NR1H2: variants seen among roughly 807,000 people sequenced by gnomAD.
The protein encoded by NR1H2 is oxysterols receptor LXR-beta.
A neutral mutation model predicts 51.2 loss-of-function variants in NR1H2; 33 were observed. The ratio of observed to expected loss-of-function variants is 0.64; its 90% CI spans 0.49 to 0.86. NR1H2 has a LOEUF of 0.86. NR1H2 is among the 40% of genes least tolerant of loss of function. NR1H2 has a pLI of 0.00. For missense variants in NR1H2, 592 were observed against 639.9 expected, an observed-to-expected ratio of 0.93 and a Z score of 0.81; for synonymous variants, 310 against 264.3, an observed-to-expected ratio of 1.17 and a Z score of -1.68.
At chr19:50,378,945 C>A in intron 6 of NR1H2, 57 bp from the exon 7 acceptor site, 1 of 1,554,944 alleles carries the variant, frequency 6.4e-7, no homozygotes, top group South Asian at 1.2e-5. Context: ...CTCAAGGTGG[C>A]CACCCAGACT....
Position 50,378,726 on chromosome 19 carries a change from T to C in NR1H2, c.677T>C (p.Met226Thr), listed in dbSNP as rs2037714852. The C allele has an allele frequency of 1.2e-6, 2 of 1,613,850 alleles. No homozygotes were observed. Among genetic ancestry groups the C allele is most frequent in the Non-Finnish European group, 1.7e-6 (2 of 1,180,024 alleles). The change falls in exon 6 of 10, where the codon ATG becomes ACG. Residue 226 changes from methionine (M) to threonine (T), a missense_variant. This residue lies in a region of NR1H2 where 316 missense variants were observed against 313.4 expected (regional missense o/e 1.01). Transcript: ENST00000253727. ...CAGCTAACAGCGGCTCAAGAACTAA[T>C]GATCCAGCAGTTGGTGGCGGCCCAA... ...GVQLTAAQEL[M>T]IQQLVAAQLQ... is the part of the protein sequence containing the mutation.
chr19:50,377,383 G>C, intron 2 of NR1H2: 1 of 502,118 alleles, frequency 2.0e-6, no homozygotes, highest in Non-Finnish European at 3.5e-6. Context: ...TTAAGACCAA[G>C]CTGAAGGCTG....
At chr19:50,379,326 A>G (rs571218935) in intron 7 of NR1H2, 145 bp downstream of exon 7, 6 of 980,512 alleles carry the variant, frequency 6.1e-6, no homozygotes, top group South Asian at 1.7e-5. Flanking sequence ...AGAGAAAGGA[A>G]AAAGGGTCTG....
In NR1H2 at chr19:50,379,882, AGGGCCCAGGG is replaced by A; in HGVS notation, c.1027+5_1027+14del. ...CAAGGACGACTTCCACCGTGCAGGT[AGGGCCCAGGG>A]GAGGCTTCGGGGAGGCTTGGCGCCC... On this transcript the variant is annotated splice_donor_5th_base_variant and intron_variant, in intron 8 of 9. Coordinates refer to ENST00000253727, the MANE Select transcript of NR1H2 (RefSeq NM_007121.7). 6.2e-7 allele frequency: 1 copy of A among 1,606,698 alleles called. No homozygotes were observed. Among genetic ancestry groups the A allele is most frequent in the Non-Finnish European group, 8.5e-7 (1 of 1,173,330 alleles).
Position 50,382,441 on chromosome 19 carries a change from T to A in NR1H2, c.1237-15T>A. On this transcript the variant is annotated splice_polypyrimidine_tract_variant and intron_variant, in intron 9 of 9. Coordinates refer to ENST00000253727, the MANE Select transcript of NR1H2 (RefSeq NM_007121.7). ...GGCAGGGGCTCAGCCAGCGCCCACC[T>A]GCCTCCTCCCTCAGGACCAGCTGCG... The A allele has an allele frequency of 6.3e-7, 1 of 1,579,140 alleles. No individual in the cohort carries two copies. The highest frequency in any genetic ancestry group is 1.8e-5 in the Admixed American group (1 of 54,794).
At position 50,382,716 on chromosome 19, in the gene NR1H2, T is replaced by C. The variant is rs575870109; in HGVS notation, c.*114T>C. On this transcript the variant is annotated 3_prime_UTR_variant, in exon 10 of 10. Coordinates refer to ENST00000253727, the MANE Select transcript of NR1H2 (RefSeq NM_007121.7). ...GCCCTGGGCCGAGCCTGTAGACCTA[T>C]CGGCTCTCATCCCTTGGGATAAGCC... 5.4e-6 allele frequency: 6 copies of C among 1,120,786 alleles called. No homozygotes were observed. In the East Asian group the frequency reaches 1.5e-4, roughly 29 times the overall value. 69.4% of individuals were successfully genotyped at this position (1,120,786 alleles called of 1,614,324 possible).
At chr19:50,377,446 G>A (rs1452987697) in intron 2 of NR1H2, 141 bp from the exon 3 acceptor site, 1 of 616,536 alleles carries the variant, frequency 1.6e-6, no homozygotes, top group Non-Finnish European at 2.8e-6. Context: ...GGGTTTGTAG[G>A]CTGGCAGGAA....
At position 50,377,714 on chromosome 19, in the gene NR1H2, G is replaced by A. The variant is rs1749655611; in HGVS notation, c.44-19G>A. 4 of 1,603,054 alleles carry A rather than the reference G, an allele frequency of 2.5e-6. No individual in the cohort carries two copies. Among genetic ancestry groups the A allele is most frequent in the Non-Finnish European group, 2.6e-6 (3 of 1,174,400 alleles). On this transcript the variant is annotated intron_variant, in intron 3 of 9. Coordinates refer to ENST00000253727, the MANE Select transcript of NR1H2 (RefSeq NM_007121.7). ...AGCAGAAGCTCACTGTACCTCTCCC[G>A]GATTCCACCCTCTTCCAGGAAATGG...
In NR1H2 at chr19:50,382,707, G is replaced by C; in HGVS notation, c.*105G>C. 1 of 1,249,182 alleles carries C rather than the reference G, an allele frequency of 8.0e-7. No homozygotes were observed. The highest frequency in any genetic ancestry group is 1.1e-6 in the Non-Finnish European group (1 of 913,696). The allele number at this position is 1,249,182 out of a possible 1,614,324, so 77.4% of individuals were successfully genotyped here. A position where few individuals can be genotyped will look rare whatever the true frequency, so the allele number is the denominator to read the frequency against. Reference sequence around the variant, plus strand: ...GTGGAAGGGGCCCTGGGCCGAGCCTGTAGACCTATCGGCTCTCATCCCTTG... The same window carrying C: ...GTGGAAGGGGCCCTGGGCCGAGCCTCTAGACCTATCGGCTCTCATCCCTTG... On this transcript the variant is annotated 3_prime_UTR_variant, in exon 10 of 10. Transcript: ENST00000253727.
chr19:50,377,185 T>G (rs1210149485), intron 2 of NR1H2: 13 of 165,018 alleles, frequency 7.9e-5, no homozygotes, highest in African/African-American at 1.6e-4. Flanking sequence ...TAGGAGGAGG[T>G]GGGGTCAGAA....
Position 50,382,525 on chromosome 19 carries a change from G to A in NR1H2, c.1306G>A (p.Glu436Lys), listed in dbSNP as rs1210410484. ...SLRTLSSVHS[E>K]QVFALRLQDK... The stretch of plus-strand genomic sequence containing the variant: ...GCGCACGCTGAGCTCTGTGCACTCG[G>A]AGCAGGTCTTCGCCTTGCGGCTCCA... Residue 436 changes from glutamate to lysine, a missense_variant, in exon 10 of 10, where the codon GAG becomes AAG. This residue lies in a region of NR1H2 where 174 missense variants were observed against 174.0 expected (regional missense o/e 1.00). Transcript: ENST00000253727. 1.2e-6 allele frequency: 2 copies of A among 1,610,170 alleles called. No individual in the cohort carries two copies. Among genetic ancestry groups the A allele is most frequent in the Admixed American group, 3.3e-5 (2 of 59,848 alleles).
At chr19:50,381,432 C>G (rs958078976) in intron 8 of NR1H2, among the ~76,000 whole-genome samples, 2 of 152,244 alleles carry the variant, frequency 1.3e-5, no homozygotes, top group Non-Finnish European at 2.9e-5. Context: ...ACTCACAGCC[C>G]TCTGACAGGC....
rs1247937137 is a variant in NR1H2, at chr19:50,382,126, G to A, written c.1188G>A (p.Gln396=). Residue 396 remains glutamine (Q), a synonymous_variant, in exon 9 of 10, where the codon CAG becomes CAA. Coordinates refer to ENST00000253727, the MANE Select transcript of NR1H2 (RefSeq NM_007121.7). ...CGGGCCGCGTGGAGGCGTTGCAGCA[G>A]CCCTACGTGGAGGCGCTGCTGTCCT... is the stretch of plus-strand genomic sequence containing the variant. ...QEPGRVEALQ[Q]PYVEALLSYT... 1.3e-6 allele frequency: 2 copies of A among 1,543,950 alleles called. No individual in the cohort carries two copies. Among genetic ancestry groups the A allele is most frequent in the Admixed American group, 2.0e-5 (1 of 50,976 alleles).
At chr19:50,378,935 C>G (rs1164109372) in intron 6 of NR1H2, 67 bp from the exon 7 acceptor site, 1 of 1,553,948 alleles carries the variant, frequency 6.4e-7, no homozygotes, top group African/African-American at 1.4e-5. Flanking sequence ...CAGGCTTGGC[C>G]TCAAGGTGGC....
chr19:50,382,355 C>T lies in NR1H2; in HGVS notation c.1237-101C>T. 2.7e-6 allele frequency: 4 copies of T among 1,463,324 alleles called. No homozygotes were observed. The South Asian group carries it at 3.9e-5, about 14-fold the overall frequency. 90.6% of individuals were successfully genotyped at this position (1,463,324 alleles called of 1,614,324 possible). ...ACAGAGGCGGGCCCCACGCTGGCTC[C>T]CACGCCTGGTCGGGGAGGGGCCCTC... On this transcript the variant is annotated intron_variant, in intron 9 of 9. Transcript: ENST00000253727.
chr19:50,378,833 C>A (rs1468690772), intron 6 of NR1H2, 37 bp downstream of exon 6: 2 of 1,598,910 alleles, frequency 1.3e-6, no homozygotes, highest in South Asian at 1.1e-5. Context: ...GTGACGGTCC[C>A]AATGGGGTAG....
At position 50,377,572 on chromosome 19, in the gene NR1H2, C is replaced by G. The variant is rs750660219; in HGVS notation, c.-19-15C>G. The stretch of plus-strand genomic sequence containing the variant: ...TCTTAGCCCCACAAGGCTCTCAATC[C>G]CCTGTATTCTACAGGCTGCTCCGTG... On this transcript the variant is annotated splice_polypyrimidine_tract_variant and intron_variant, in intron 2 of 9. Coordinates refer to ENST00000253727, the MANE Select transcript of NR1H2 (RefSeq NM_007121.7). The G allele has an allele frequency of 8.1e-6, 13 of 1,605,220 alleles. No homozygotes were observed. Among genetic ancestry groups the G allele is most frequent in the Middle Eastern group, 1.7e-4 (1 of 6,056 alleles).
rs2123649232 is a variant in NR1H2, at chr19:50,379,019, A to G, written c.765A>G (p.Ala255=). The G allele has an allele frequency of 6.2e-7, 1 of 1,611,112 alleles. No individual in the cohort carries two copies. Among genetic ancestry groups the G allele is most frequent in the South Asian group, 1.1e-5 (1 of 90,862 alleles). The change falls in exon 7 of 10, where the codon GCA becomes GCG. Residue 255 remains alanine (A), a synonymous_variant. Transcript: ENST00000253727. Reference sequence around the variant, plus strand: ...TGTCCCAGCCCTGGCCCCTGGGCGCAGACCCCCAGTCCCGAGATGCCCGCC... The same window carrying G: ...TGTCCCAGCCCTGGCCCCTGGGCGCGGACCCCCAGTCCCGAGATGCCCGCC... ...QPKVTPWPLG[A]DPQSRDARQQ...
In NR1H2 at chr19:50,378,735, A is replaced by G. The variant is rs375532795; in HGVS notation, c.686A>G (p.Gln229Arg). 2 of 1,613,902 alleles carry G rather than the reference A, an allele frequency of 1.2e-6. No individual in the cohort carries two copies. The highest frequency in any genetic ancestry group is 1.7e-6 in the Non-Finnish European group (2 of 1,180,028). Residue 229 changes from glutamine (Q) to arginine (R), a missense_variant, in exon 6 of 10, where the codon CAG becomes CGG. Coordinates refer to ENST00000253727, the MANE Select transcript of NR1H2 (RefSeq NM_007121.7). ...LTAAQELMIQ[Q>R]LVAAQLQCNK... ...GCGGCTCAAGAACTAATGATCCAGC[A>G]GTTGGTGGCGGCCCAACTGCAGTGC...
Sources: gnomAD v4.1 joint callset for allele counts (sites outside exome capture counted in the v4.1 genomes callset) on GRCh38, gnomAD v4.1.1 for gene constraint, gnomAD v4.1.1 regional missense constraint, MANE v1.5 for transcripts, NCBI Gene and HGNC (gene_info 2026-07-23, HGNC 2026-07-21) for gene names.